The following PKIB variants were observed in gnomAD, a reference collection of about 807,000 sequenced individuals.
The protein encoded by PKIB is cAMP-dependent protein kinase inhibitor beta, also known as PKI-beta.
A neutral mutation model predicts 4.5 loss-of-function variants in PKIB; 2 were observed. The observed-to-expected ratio is 0.44, with a 90% CI of 0.18 to 1.39. The LOEUF is 1.39. PKIB is among the 40% of genes most tolerant of loss of function. The pLI, the probability that PKIB is intolerant of heterozygous loss-of-function variation, is 0.27. For missense variants in PKIB, 94 were observed against 92.6 expected (o/e 1.02, Z -0.06); for synonymous variants, 38 against 36.0 (o/e 1.06, Z -0.20).
At chr6:122,640,256 A>T (rs1776073041) in intron 2 of PKIB, among the ~76,000 whole-genome samples, 1 of 152,176 alleles carries the variant, frequency 6.6e-6, no homozygotes, top group Non-Finnish European at 1.5e-5. Flanking sequence ...CCACTAACGT[A>T]AAAAGATCCT....
Position 122,717,866 on chromosome 6 carries a change from A to C in PKIB, c.72A>C (p.Ala24=). Residue 24 remains alanine, a synonymous_variant, in exon 4 of 5, where the codon GCA becomes GCC. Transcript: ENST00000368452. ...GVANFASSAR[A]GRRNALPDIQ... ...CCAATTTTGCATCTTCAGCAAGGGC[A>C]GGCCGCCGGAATGCCTTACCAGACA... 3 of 1,614,148 alleles carry C rather than the reference A, an allele frequency of 1.9e-6. No individual in the cohort carries two copies. Among genetic ancestry groups the C allele is most frequent in the Non-Finnish European group, 2.5e-6 (3 of 1,180,002 alleles).
chr6:122,663,940 A>G (rs1408758119), intron 2 of PKIB, among the ~76,000 whole-genome samples: 1 of 152,312 alleles, frequency 6.6e-6, no homozygotes, highest in South Asian at 2.1e-4. Flanking sequence ...GGGTGGAATC[A>G]TTCTACTGAA....
At chr6:122,522,999 T>C (rs1776990346) in intron 2 of PKIB, among the ~76,000 whole-genome samples, 1 of 152,254 alleles carries the variant, frequency 6.6e-6, no homozygotes, top group African/African-American at 2.4e-5. Flanking sequence ...CTAAGGGCTC[T>C]GGTTAGGACA....
chr6:122,558,109 A>C (rs1165545686), intron 2 of PKIB, among the ~76,000 whole-genome samples: 3 of 152,164 alleles, frequency 2.0e-5, no homozygotes, highest in African/African-American at 7.2e-5. Context: ...AGAAAGGTGA[A>C]TTTATTGGCT....
Position 122,611,541 on chromosome 6 carries a change from C to A in PKIB, c.-161+1006C>A, listed in dbSNP as rs989961143. 5.3e-5 allele frequency among the ~76,000 whole-genome samples: 8 copies of A among 152,266 alleles called. No individual in the cohort carries two copies. In the East Asian group the frequency reaches 5.8e-4, roughly 11 times the overall value. On this transcript the variant is annotated intron_variant, in intron 1 of 4. Coordinates refer to ENST00000368452, the MANE Select transcript of PKIB (RefSeq NM_181795.3). ...CTAGAAAAAAAATTTTAAAAAAACT[C>A]TTTTATCAGTGGTTTGCATACTGAA...
chr6:122,546,876 A>G (rs1772514273), intron 2 of PKIB, among the ~76,000 whole-genome samples: 1 of 152,162 alleles, frequency 6.6e-6, no homozygotes, highest in South Asian at 2.1e-4. Flanking sequence ...AAAGACCTTT[A>G]TCACAGTAGA....
chr6:122,647,558 G>A (rs1776375410), intron 2 of PKIB, among the ~76,000 whole-genome samples: 1 of 152,178 alleles, frequency 6.6e-6, no homozygotes, highest in African/African-American at 2.4e-5. Flanking sequence ...CCCAAAACAT[G>A]GTAACCCTTT....
At chr6:122,472,065 C>G in intron 1 of PKIB, 1 of 401,528 alleles carries the variant, frequency 2.5e-6, no homozygotes, top group Non-Finnish European at 4.5e-6. Flanking sequence ...CCACCTTTAC[C>G]TACCATGCAC....
intron 2 of PKIB, among the ~76,000 whole-genome samples, chr6:122,575,377 G>T (rs1773497174): frequency 6.6e-6 from 1 of 151,916 alleles, no homozygotes; most frequent in Non-Finnish European, 1.5e-5. Flanking sequence ...GAACTATCTT[G>T]CAGCAATATG....
chr6:122,613,319 T>C (rs1473893873), intron 1 of PKIB, among the ~76,000 whole-genome samples: 2 of 152,212 alleles, frequency 1.3e-5, no homozygotes, highest in Admixed American at 6.5e-5. Flanking sequence ...CTATACGTCT[T>C]GTGAACTATA....
At chr6:122,656,645 G>A (rs778620037) in intron 2 of PKIB, among the ~76,000 whole-genome samples, 1 of 152,196 alleles carries the variant, frequency 6.6e-6, no homozygotes, top group Middle Eastern at 3.2e-3. Context: ...GGCGGGAGAA[G>A]TGAGGGGGCA....
At chr6:122,585,639 G>A (rs1246535401) in intron 2 of PKIB, 1 of 152,006 alleles carries the variant, frequency 6.6e-6, no homozygotes, top group Non-Finnish European at 1.5e-5. Flanking sequence ...GTCTATAGAA[G>A]TGAAATTAAT....
intron 2 of PKIB, among the ~76,000 whole-genome samples, chr6:122,497,775 C>T (rs1776117327): frequency 6.6e-6 from 1 of 152,048 alleles, no homozygotes; most frequent in South Asian, 2.1e-4. Flanking sequence ...GGGACTTTAC[C>T]ATTCCACTGA....
intron 3 of PKIB, among the ~76,000 whole-genome samples, chr6:122,694,907 C>T (rs1023236937): frequency 6.6e-6 from 1 of 152,152 alleles, no homozygotes; most frequent in Non-Finnish European, 1.5e-5. Context: ...ATTTGTCTTA[C>T]TGTATAGAAA....
At chr6:122,698,892 CT>C (rs1403169602) in intron 3 of PKIB, among the ~76,000 whole-genome samples, 1 of 152,180 alleles carries the variant, frequency 6.6e-6, no homozygotes, top group Non-Finnish European at 1.5e-5. Flanking sequence ...GATGGAGCAG[CT>C]TTTGCTTTAC....
At position 122,526,381 on chromosome 6, in the gene PKIB, T is replaced by C. The variant is rs1777092731; in HGVS notation, c.-248+48442T>C. Reference sequence around the variant, plus strand: ...ATTTACTTTGCCCAGATCCATCAAATGAATCATTCTTTATGGCAGCTATAG... The same window carrying C: ...ATTTACTTTGCCCAGATCCATCAAACGAATCATTCTTTATGGCAGCTATAG... On this transcript the variant is annotated intron_variant, in intron 2 of 6. Transcript: ENST00000392491. 1.3e-5 allele frequency among the ~76,000 whole-genome samples: 2 copies of C among 152,168 alleles called. 1 individual carries two copies. Among genetic ancestry groups the C allele is most frequent in the Admixed American group, 1.3e-4 (2 of 15,274 alleles).
chr6:122,537,090 T>TTTCCTCCTAGTTGCTTCTTTA (rs934725501), intron 2 of PKIB, among the ~76,000 whole-genome samples: 4 of 152,022 alleles, frequency 2.6e-5, no homozygotes, highest in Admixed American at 6.6e-5. Context: ...GGTGCTGCCT[T>TTTCCTCCTAGTTGCTTCTTTA]TTCCTCCTAG....
At chr6:122,527,648 A>G (rs1038304127) in intron 2 of PKIB, among the ~76,000 whole-genome samples, 4 of 152,128 alleles carry the variant, frequency 2.6e-5, no homozygotes, top group African/African-American at 9.7e-5. Context: ...GTGGGGCCTC[A>G]AATAAATTAT....
At chr6:122,673,742 A>G (rs986344102) in intron 2 of PKIB, among the ~76,000 whole-genome samples, 42 of 152,246 alleles carry the variant, frequency 2.8e-4, no homozygotes, top group Non-Finnish European at 4.9e-4. Context: ...TCTGTGAAAC[A>G]CTGTGCTGGG....
Sources: gnomAD v4.1 joint callset for allele counts (sites outside exome capture counted in the v4.1 genomes callset) on GRCh38, gnomAD v4.1.1 for gene constraint, MANE v1.5 for transcripts, NCBI Gene and HGNC (gene_info 2026-07-23, HGNC 2026-07-21) for gene names.